PKNOX2: variants seen among roughly 807,000 people sequenced by gnomAD.
PKNOX2 encodes the protein homeobox protein PKNOX2.
PKNOX2 carries 14 observed loss-of-function variants against 53.1 expected under a neutral mutation model. The ratio of observed to expected loss-of-function variants is 0.26; its 90% CI spans 0.17 to 0.41. The LOEUF (loss-of-function observed/expected upper bound fraction) is 0.41. PKNOX2 is among the 10% of genes least tolerant of loss of function. The pLI is 1.00. For missense variants in PKNOX2, 496 were observed against 602.8 expected, an observed-to-expected ratio of 0.82 and a Z score of 1.85; for synonymous variants, 257 against 242.8, an observed-to-expected ratio of 1.06 and a Z score of -0.54.
intron 3 of PKNOX2, among the ~76,000 whole-genome samples, chr11:125,342,552 C>T (rs1010328842): frequency 1.3e-5 from 2 of 152,176 alleles, no homozygotes; most frequent in African/African-American, 2.4e-5. Context: ...GGGATCCCAG[C>T]GCTGGAGCTG....
At chr11:125,404,248 C>T (rs1207806029) in intron 7 of PKNOX2, among the ~76,000 whole-genome samples, 1 of 152,246 alleles carries the variant, frequency 6.6e-6, no homozygotes, top group Non-Finnish European at 1.5e-5. Flanking sequence ...GTTCCTCACC[C>T]CCAGCCCTGC....
intron 10 of PKNOX2, among the ~76,000 whole-genome samples, chr11:125,415,526 A>G (rs1320978631): frequency 6.6e-6 from 1 of 151,676 alleles, no homozygotes; most frequent in Non-Finnish European, 1.5e-5. Flanking sequence ...ATTTTTTTTT[A>G]TTCTTACAGG....
At chr11:125,340,060 C>T (rs1012405480) in intron 3 of PKNOX2, among the ~76,000 whole-genome samples, 4 of 152,174 alleles carry the variant, frequency 2.6e-5, no homozygotes, top group Non-Finnish European at 4.4e-5. Context: ...ATCTCCTGCT[C>T]ATTTTTATAA....
intron 2 of PKNOX2, among the ~76,000 whole-genome samples, chr11:125,250,392 A>G (rs547221343): frequency 6.6e-6 from 1 of 152,332 alleles, no homozygotes; most frequent in South Asian, 2.1e-4. Flanking sequence ...TTCAGCAACT[A>G]TCAGCCCTCC....
At position 125,393,359 on chromosome 11, in the gene PKNOX2, G is replaced by A. The variant is rs535408915; in HGVS notation, c.400-4515G>A. 3.3e-5 allele frequency among the ~76,000 whole-genome samples: 5 copies of A among 152,242 alleles called. No homozygotes were observed. The South Asian group carries it at 6.2e-4, about 19-fold the overall frequency. On this transcript the variant is annotated intron_variant, in intron 6 of 12. Transcript: ENST00000298282. ...TACAGAAGGCACTTTACATTAAGGCGGGAGAGATTTTGATTGAATATAAGG... is the reference window on the plus strand; with the variant it reads ...TACAGAAGGCACTTTACATTAAGGCAGGAGAGATTTTGATTGAATATAAGG...
At chr11:125,265,675 C>T (rs1246137722) in intron 2 of PKNOX2, among the ~76,000 whole-genome samples, 1 of 152,146 alleles carries the variant, frequency 6.6e-6, no homozygotes, top group South Asian at 2.1e-4. Context: ...TCTGAGGGGT[C>T]TAAGCCCCTC....
chr11:125,249,465 A>G (rs1943831990), intron 2 of PKNOX2, among the ~76,000 whole-genome samples: 1 of 152,220 alleles, frequency 6.6e-6, no homozygotes, highest in Non-Finnish European at 1.5e-5. Context: ...GGATGGCTGC[A>G]TCTTCACTGA....
At chr11:125,397,190 G>C (rs749337433) in intron 6 of PKNOX2, among the ~76,000 whole-genome samples, 11 of 152,196 alleles carry the variant, frequency 7.2e-5, no homozygotes, top group Non-Finnish European at 1.5e-4. Context: ...CATGGAAAAG[G>C]CCACAGCAGA....
chr11:125,178,616 A>G lies in PKNOX2; in HGVS notation c.-201+13840A>G, dbSNP rs1264972781. Among the ~76,000 whole-genome samples the G allele has an allele frequency of 1.1e-3, 69 of 65,312 alleles. 3 individuals carry two copies. Among genetic ancestry groups the G allele is most frequent in the African/African-American group, 6.5e-3 (64 of 9,804 alleles). 42.8% of individuals were successfully genotyped at this position (65,312 alleles called of 152,430 possible). ...AAGGAAGGAAGGAAGGAAGGAAAGAAAGAAAGAAAGAAAGAAAGAAAGAAA... is the reference window on the plus strand; with the variant it reads ...AAGGAAGGAAGGAAGGAAGGAAAGAGAGAAAGAAAGAAAGAAAGAAAGAAA... On this transcript the variant is annotated intron_variant, in intron 1 of 12. Transcript: ENST00000298282.
At chr11:125,418,188 C>T (rs1398338450) in intron 10 of PKNOX2, among the ~76,000 whole-genome samples, 1 of 152,002 alleles carries the variant, frequency 6.6e-6, no homozygotes, top group Non-Finnish European at 1.5e-5. Context: ...CTTTCTGCCT[C>T]TATGGGTTTG....
At position 125,382,449 on chromosome 11, in the gene PKNOX2, G is replaced by A. The variant is rs116918810; in HGVS notation, c.228-3102G>A. Among the ~76,000 whole-genome samples, 260 of 152,326 alleles carry A rather than the reference G, an allele frequency of 1.7e-3. No individual in the cohort carries two copies. The East Asian group carries it at 0.04, about 24-fold the overall frequency. On this transcript the variant is annotated intron_variant, in intron 5 of 12. Transcript: ENST00000298282. The stretch of plus-strand genomic sequence containing the variant: ...GGGCCGCACCCCCACCACCTGGCAC[G>A]ATGCTGCGGATTATTAGTTCCTGGT...
intron 3 of PKNOX2, among the ~76,000 whole-genome samples, chr11:125,342,809 C>T (rs1043229864): frequency 1.8e-4 from 27 of 151,536 alleles, no homozygotes; most frequent in Non-Finnish European, 3.5e-4. Flanking sequence ...TGCCCTGACA[C>T]TCCACCCTAG....
chr11:125,406,032 C>T (rs2135512065), intron 7 of PKNOX2, among the ~76,000 whole-genome samples: 1 of 152,336 alleles, frequency 6.6e-6, no homozygotes, highest in African/African-American at 2.4e-5. Context: ...GTACCAAACA[C>T]TCTTCTCACT....
At chr11:125,416,610 G>A (rs11220056) in intron 10 of PKNOX2, among the ~76,000 whole-genome samples, 40,175 of 151,882 alleles carry the variant, frequency 0.26, 6,710 homozygotes, top group Middle Eastern at 0.43. Context: ...GTCTGCATAC[G>A]AGCACTGCTG....
At chr11:125,191,340 G>C (rs1389967060) in intron 1 of PKNOX2, 1 of 152,178 alleles carries the variant, frequency 6.6e-6, no homozygotes, top group Admixed American at 6.5e-5. Context: ...TTGTGAGTGG[G>C]TTGCATTCAT....
At chr11:125,304,682 G>T (rs1265442673) in intron 2 of PKNOX2, among the ~76,000 whole-genome samples, 1 of 152,228 alleles carries the variant, frequency 6.6e-6, no homozygotes, top group Non-Finnish European at 1.5e-5. Flanking sequence ...TCCTTCTCTG[G>T]AGAGCTTCAG....
At chr11:125,420,052 T>C (rs1031978109) in intron 10 of PKNOX2, among the ~76,000 whole-genome samples, 4 of 150,830 alleles carry the variant, frequency 2.7e-5, no homozygotes, top group Admixed American at 2.6e-4. Context: ...CCAGGCATGG[T>C]GGTGGGCACC....
Position 125,226,763 on chromosome 11 carries a change from G to GT in PKNOX2, c.-200-8271dup, listed in dbSNP as rs961256621. On this transcript the variant is annotated intron_variant, in intron 1 of 12. Coordinates refer to ENST00000298282, the MANE Select transcript of PKNOX2 (RefSeq NM_001382323.2). ...TGGCCCCCTCTCCTACCCTCACCAG[G>GT]TTTTTTTTTTTCCTTTTTTTTTTTA... Among the ~76,000 whole-genome samples, 435 of 144,792 alleles carry GT rather than the reference G, an allele frequency of 3.0e-3. 6 individuals are homozygous for GT. The highest frequency in any genetic ancestry group is 7.9e-3 in the East Asian group (39 of 4,962). 95.0% of individuals were successfully genotyped at this position (144,792 alleles called of 152,430 possible). A position where few individuals can be genotyped will look rare whatever the true frequency, so the allele number is the denominator to read the frequency against.
intron 7 of PKNOX2, 103 bp from the exon 8 acceptor site, chr11:125,410,093 G>C: frequency 6.8e-7 from 1 of 1,470,492 alleles, no homozygotes; most frequent in South Asian, 1.4e-5. Flanking sequence ...TAGAAGGAGG[G>C]AGGGGGGCAG....
Sources: gnomAD v4.1 joint callset for allele counts (sites outside exome capture counted in the v4.1 genomes callset) on GRCh38, gnomAD v4.1.1 for gene constraint, MANE v1.5 for transcripts, NCBI Gene and HGNC (gene_info 2026-07-23, HGNC 2026-07-21) for gene names.